MECR: variants seen among roughly 807,000 people sequenced by gnomAD.
The protein encoded by MECR is enoyl-[acyl-carrier-protein] reductase, mitochondrial.
Under a neutral mutation model 49.1 loss-of-function variants are expected in MECR, and 37 were observed. That is an observed-to-expected ratio of 0.75 (90% confidence interval 0.58 to 0.99). The LOEUF (loss-of-function observed/expected upper bound fraction) is 0.99, where lower values mean the gene tolerates loss of function less well. MECR is among the 50% of genes least tolerant of loss of function. The pLI is 0.00. For missense variants in MECR, 470 were observed against 479.6 expected (o/e 0.98, Z 0.19); for synonymous variants, 198 against 191.1 (o/e 1.04, Z -0.30).
chr1:29,169,146 T>C, the MECR span: 4 of 152,268 alleles, frequency 2.6e-5, no homozygotes, highest in African/African-American at 9.6e-5. Context: ...ACACACATTA[T>C]ATCCATTTAA....
At chr1:29,208,010 A>T (rs1677039256) in intron 3 of MECR, among the ~76,000 whole-genome samples, 1 of 150,342 alleles carries the variant, frequency 6.7e-6, no homozygotes. Context: ...TTTTTTTTTT[A>T]AGATGAAGTC....
At chr1:29,215,639 G>C (rs903805920) in intron 3 of MECR, among the ~76,000 whole-genome samples, 1 of 151,902 alleles carries the variant, frequency 6.6e-6, no homozygotes, top group African/African-American at 2.4e-5. Flanking sequence ...GGGAGGCCGA[G>C]GCAGGCGGAT....
chr1:29,180,941 C>T, the MECR span, among the ~76,000 whole-genome samples: 449 of 152,326 alleles, frequency 2.9e-3, 3 homozygotes, highest in African/African-American at 0.01. Flanking sequence ...AATTCTACAA[C>T]GGCCAAGCAA....
rs191335208 is a variant in MECR, at chr1:29,229,828, A to G, written c.176+903T>C. ...CTTTAGCTCCACTTCAGTGGCCCCAATAGCCCTTCTGAATGGCTATTTATG... is the reference window on the plus strand; with the variant it reads ...CTTTAGCTCCACTTCAGTGGCCCCAGTAGCCCTTCTGAATGGCTATTTATG... On this transcript the variant is annotated intron_variant, in intron 1 of 9. Coordinates refer to ENST00000263702, the MANE Select transcript of MECR (RefSeq NM_016011.5). Among the ~76,000 whole-genome samples, 9 of 152,334 alleles carry G rather than the reference A, an allele frequency of 5.9e-5. No homozygotes were observed. The East Asian group carries it at 1.5e-3, about 26-fold the overall frequency.
At chr1:29,178,353 C>CT in the MECR span, among the ~76,000 whole-genome samples, 5 of 127,884 alleles carry the variant, frequency 3.9e-5, no homozygotes, top group African/African-American at 1.2e-4. Flanking sequence ...GTTTCAATTA[C>CT]TTTTTTTTTT....
intron 3 of MECR, among the ~76,000 whole-genome samples, chr1:29,210,608 G>A (rs1171620332): frequency 6.6e-6 from 1 of 152,110 alleles, no homozygotes; most frequent in Non-Finnish European, 1.5e-5. Flanking sequence ...GATTTCTGGG[G>A]CTTAGCAGTC....
rs1679364732 is a variant in MECR at position 29,216,197 on chromosome 1, C to T, written c.275-61G>A. ...TGTTTGGGCAGTGAAAGAGCATGGA[C>T]TTGAGTCCACGCCATCCTAGGCCTG... is the stretch of plus-strand genomic sequence containing the variant. On this transcript the variant is annotated intron_variant, in intron 2 of 9. Coordinates refer to ENST00000263702, the MANE Select transcript of MECR (RefSeq NM_016011.5). 16 of 1,595,232 alleles carry T rather than the reference C, an allele frequency of 1.0e-5. No individual in the cohort carries two copies. In the South Asian group the frequency reaches 1.8e-4, roughly 18 times the overall value.
At chr1:29,218,723 TAGCCAG>T (rs2151903034) in intron 1 of MECR, among the ~76,000 whole-genome samples, 1 of 152,274 alleles carries the variant, frequency 6.6e-6, no homozygotes, top group East Asian at 1.9e-4. Context: ...ATACAAAAAT[TAGCCAG>T]GTGTGGTGGT....
chr1:29,230,104 G>T (rs1179176134), intron 1 of MECR, among the ~76,000 whole-genome samples: 6 of 152,196 alleles, frequency 3.9e-5, no homozygotes, highest in African/African-American at 1.4e-4. Flanking sequence ...CGGTGCAGTG[G>T]AGAGAAACAT....
At chr1:29,176,016 G>C in the MECR span, among the ~76,000 whole-genome samples, 1 of 152,272 alleles carries the variant, frequency 6.6e-6, no homozygotes, top group African/African-American at 2.4e-5. Flanking sequence ...ACTTTGGGAG[G>C]CCGAGGCAGG....
At chr1:29,218,790 T>C (rs1163680798) in intron 1 of MECR, among the ~76,000 whole-genome samples, 1 of 152,166 alleles carries the variant, frequency 6.6e-6, no homozygotes, top group East Asian at 1.9e-4. Context: ...TATTTACACA[T>C]AGCTGGAGGA....
the MECR span, among the ~76,000 whole-genome samples, chr1:29,185,068 G>A: frequency 1.3e-5 from 2 of 152,000 alleles, no homozygotes; most frequent in Non-Finnish European, 2.9e-5. Flanking sequence ...GGAGGCTGCA[G>A]TGAGCCAAGA....
chr1:29,183,608 T>C, the MECR span, among the ~76,000 whole-genome samples: 1 of 152,212 alleles, frequency 6.6e-6, no homozygotes, highest in African/African-American at 2.4e-5. Flanking sequence ...TGCAGAGATA[T>C]GAGTCTTTCT....
At position 29,230,776 on chromosome 1, in the gene MECR, C is replaced by T. The variant is rs1683225857; in HGVS notation, c.131G>A (p.Arg44Gln). ...CCCGTGGTGCCCATAGACAAGCGCC[C>T]GGACCCGGGCAGGCTCGGCGGATGC... is the stretch of plus-strand genomic sequence containing the variant. The part of the protein sequence containing the change: ...YSASAEPARV[R>Q]ALVYGHHGDP... The change falls in exon 1 of 10, where the codon CGG becomes CAG. Residue 44 changes from arginine to glutamine, a missense_variant. Transcript: ENST00000263702. 2 of 1,601,308 alleles carry T rather than the reference C, an allele frequency of 1.2e-6. No individual in the cohort carries two copies. Among genetic ancestry groups the T allele is most frequent in the South Asian group, 1.1e-5 (1 of 89,458 alleles).
chr1:29,180,300 C>T, the MECR span, among the ~76,000 whole-genome samples: 6 of 152,104 alleles, frequency 3.9e-5, no homozygotes, highest in African/African-American at 1.4e-4. Context: ...ACAATAACGT[C>T]TACCCGCCAC....
At chr1:29,178,335 G>A in the MECR span, among the ~76,000 whole-genome samples, 13 of 130,038 alleles carry the variant, frequency 1.0e-4, no homozygotes, top group African/African-American at 3.7e-4. Context: ...TCCAAAATCT[G>A]TTTCTGAGTT....
intron 3 of MECR, among the ~76,000 whole-genome samples, chr1:29,214,553 G>T (rs946450447): frequency 2.0e-5 from 3 of 151,748 alleles, no homozygotes; most frequent in African/African-American, 7.3e-5. Flanking sequence ...TTAGAGACAG[G>T]GTTTCACCAT....
At chr1:29,228,591 C>T (rs980682176) in intron 1 of MECR, among the ~76,000 whole-genome samples, 1 of 152,092 alleles carries the variant, frequency 6.6e-6, no homozygotes, top group East Asian at 1.9e-4. Context: ...GCAGGGATTA[C>T]AGGCATGAGC....
At chr1:29,188,010 C>T (rs1673063321), downstream of MECR, among the ~76,000 whole-genome samples, 2 of 117,940 alleles carry the variant, frequency 1.7e-5, no homozygotes, top group African/African-American at 6.5e-5. Flanking sequence ...GCACTCCAGC[C>T]TGGGCAACAC....
Sources: allele counts gnomAD v4.1 joint callset (sites outside exome capture counted in the v4.1 genomes callset), GRCh38; gene constraint gnomAD v4.1.1; transcripts MANE v1.5; gene names NCBI Gene and HGNC (gene_info 2026-07-23, HGNC 2026-07-21).